The following NYAP2 variants were observed in gnomAD, a reference collection of about 807,000 sequenced individuals.
NYAP2 encodes the protein neuronal tyrosine-phosphorylated phosphoinositide-3-kinase adaptor 2, also known as neuronal tyrosine-phosphorylated phosphoinositide-3-kinase adapter 2.
A neutral mutation model predicts 50.4 loss-of-function variants in NYAP2; 23 were observed. The observed-to-expected ratio is 0.46, with a 90% CI of 0.33 to 0.65. The LOEUF (loss-of-function observed/expected upper bound fraction) is 0.65, where lower values mean the gene tolerates loss of function less well. Ranked by LOEUF, NYAP2 falls within the 30% of genes least tolerant of loss-of-function variation. The pLI is 0.02. For synonymous variants in NYAP2, 394 were observed against 365.2 expected (o/e 1.08, Z -0.90); for missense variants, 885 against 861.0 (o/e 1.03, Z -0.35).
chr2:225,420,190 G>A (rs1192299841), intron 3 of NYAP2, among the ~76,000 whole-genome samples: 1 of 152,130 alleles, frequency 6.6e-6, no homozygotes, highest in African/African-American at 2.4e-5. Flanking sequence ...AGCTGGCATA[G>A]CATGTGATAT....
intron 3 of NYAP2, among the ~76,000 whole-genome samples, chr2:225,460,877 C>T (rs985452238): frequency 5.3e-5 from 8 of 151,254 alleles, no homozygotes; most frequent in South Asian, 4.2e-4. Context: ...CCTGTAGGCC[C>T]AGCTACTCGG....
chr2:225,411,581 C>A (rs1350782529), intron 3 of NYAP2, among the ~76,000 whole-genome samples: 2 of 151,876 alleles, frequency 1.3e-5, no homozygotes, highest in South Asian at 4.2e-4. Context: ...CCATCATGAG[C>A]CAAGGACTTA....
At position 225,577,783 on chromosome 2, in the gene NYAP2, G is replaced by A. The variant is rs16866651; in HGVS notation, c.524-4158G>A. 4.9e-3 allele frequency among the ~76,000 whole-genome samples: 728 copies of A among 149,640 alleles called. 9 individuals carry two copies. The highest frequency in any genetic ancestry group is 0.018 in the African/African-American group (710 of 40,488). On this transcript the variant is annotated intron_variant, in intron 4 of 6. Transcript: ENST00000636099. ...CGAAGAACCATGAGATTACAAGGAC[G>A]GATGTCAGGGAATGAAAAGCAGATT...
chr2:225,662,113 C>CT, the NYAP2 span, among the ~76,000 whole-genome samples: 1 of 152,308 alleles, frequency 6.6e-6, no homozygotes, highest in Middle Eastern at 3.4e-3. Context: ...TGCCTTTTGA[C>CT]TTTTTGAGAC....
At chr2:225,576,858 T>C (rs1444131365) in intron 4 of NYAP2, among the ~76,000 whole-genome samples, 1 of 152,202 alleles carries the variant, frequency 6.6e-6, no homozygotes, top group Non-Finnish European at 1.5e-5. Flanking sequence ...ATTAGTAATA[T>C]ATGGAATCTG....
chr2:225,429,015 A>G (rs1041132383), intron 3 of NYAP2, among the ~76,000 whole-genome samples: 1 of 152,198 alleles, frequency 6.6e-6, no homozygotes, highest in African/African-American at 2.4e-5. Context: ...GGCAGGTTCT[A>G]TCATTTGTTT....
intron 5 of NYAP2, among the ~76,000 whole-genome samples, chr2:225,614,899 G>A (rs1303566304): frequency 2.0e-5 from 3 of 152,178 alleles, no homozygotes; most frequent in Non-Finnish European, 2.9e-5. Flanking sequence ...GTCACAGGCC[G>A]TGATTTTTGT....
chr2:225,489,502 CT>C (rs1481859045), intron 3 of NYAP2, among the ~76,000 whole-genome samples: 1 of 152,086 alleles, frequency 6.6e-6, no homozygotes, highest in Admixed American at 6.6e-5. Flanking sequence ...CCGGTCTCCC[CT>C]TTTTCTAAGA....
intron 6 of NYAP2, among the ~76,000 whole-genome samples, chr2:225,630,359 G>A (rs1170374395): frequency 6.6e-6 from 1 of 152,182 alleles, no homozygotes; most frequent in African/African-American, 2.4e-5. Context: ...AAGGACCCAG[G>A]AACTTTGTAT....
At chr2:225,667,794 A>G in the NYAP2 span, among the ~76,000 whole-genome samples, 3 of 152,340 alleles carry the variant, frequency 2.0e-5, no homozygotes, top group African/African-American at 7.2e-5. Flanking sequence ...ACTACTTAAT[A>G]GAGATACCTT....
chr2:225,415,081 A>G (rs16866585), intron 3 of NYAP2, among the ~76,000 whole-genome samples: 33 of 152,010 alleles, frequency 2.2e-4, no homozygotes, highest in African/African-American at 7.7e-4. Flanking sequence ...ACAAAGGACT[A>G]CTTAGGCTGA....
chr2:225,614,830 A>G (rs1692959392), intron 5 of NYAP2, among the ~76,000 whole-genome samples: 1 of 152,224 alleles, frequency 6.6e-6, no homozygotes, highest in Non-Finnish European at 1.5e-5. Context: ...TCCAACTGCT[A>G]TTGCAAACAA....
intron 4 of NYAP2, among the ~76,000 whole-genome samples, chr2:225,571,502 C>T (rs1692071827): frequency 6.6e-6 from 1 of 152,240 alleles, no homozygotes; most frequent in South Asian, 2.1e-4. Flanking sequence ...CAGGGCCCAG[C>T]ACCACATGAA....
chr2:225,431,667 C>A (rs1308969127), intron 3 of NYAP2, among the ~76,000 whole-genome samples: 1 of 152,132 alleles, frequency 6.6e-6, no homozygotes, highest in Non-Finnish European at 1.5e-5. Flanking sequence ...CTTAAATGAG[C>A]TTGTTTGCTT....
At chr2:225,533,057 A>G (rs1354265354) in intron 4 of NYAP2, among the ~76,000 whole-genome samples, 4 of 152,240 alleles carry the variant, frequency 2.6e-5, no homozygotes, top group Non-Finnish European at 5.9e-5. Flanking sequence ...GGAAGATACC[A>G]GGTATTTTGT....
chr2:225,408,938 C>T (rs759388052), exon 3 of NYAP2: 1 of 1,612,018 alleles, frequency 6.2e-7, no homozygotes, highest in South Asian at 1.1e-5. Context: ...GGACACATTT[C>T]TCCAGTACAT....
In NYAP2 at chr2:225,582,036, T is replaced by G; in HGVS notation, c.619T>G (p.Phe207Val). ...TCCGAACACTCAGCTGAGCACATCT[T>G]TCGATGAAACGTACATCAAAAAGCA... Residue 207 changes from phenylalanine (F) to valine (V), a missense_variant, in exon 5 of 7, where the codon TTC becomes GTC. Coordinates refer to ENST00000636099, the Ensembl canonical transcript of NYAP2. The surrounding 1 kb of genome is among the most constrained non-coding windows in gnomAD (Gnocchi z 7.0). The G allele has an allele frequency of 6.2e-7, 1 of 1,614,008 alleles. No homozygotes were observed. Among genetic ancestry groups the G allele is most frequent in the Non-Finnish European group, 8.5e-7 (1 of 1,179,888 alleles).
intron 4 of NYAP2, among the ~76,000 whole-genome samples, chr2:225,576,304 A>C (rs80018737): frequency 0.037 from 5,656 of 152,258 alleles, 328 homozygotes; most frequent in African/African-American, 0.13. Flanking sequence ...GGACTGTAAC[A>C]CAGGTCCTAC....
At chr2:225,639,147 C>T (rs1693480319) in intron 6 of NYAP2, among the ~76,000 whole-genome samples, 1 of 151,926 alleles carries the variant, frequency 6.6e-6, no homozygotes, top group Admixed American at 6.6e-5. Flanking sequence ...GTTGGTACAG[C>T]TCTGGCTTCT....
Sources: gnomAD v4.1 joint callset for allele counts (sites outside exome capture counted in the v4.1 genomes callset) on GRCh38, gnomAD v4.1.1 for gene constraint, Gnocchi (gnomAD v3.1) non-coding constraint, MANE v1.5 for transcripts, NCBI Gene and HGNC (gene_info 2026-07-23, HGNC 2026-07-21) for gene names.